GAB2: variants seen among roughly 807,000 people sequenced by gnomAD.
The protein encoded by GAB2 is GRB2 associated binding protein 2.
A neutral mutation model predicts 65.5 loss-of-function variants in GAB2; 26 were observed. The observed-to-expected ratio is 0.40, with a 90% CI of 0.29 to 0.55. The LOEUF is 0.55. GAB2 is among the 20% of genes least tolerant of loss of function. GAB2 has a pLI of 0.53. For synonymous variants in GAB2, 321 were observed against 329.6 expected (o/e 0.97, Z 0.28); for missense variants, 884 against 875.8 (o/e 1.01, Z -0.12).
At chr11:78,234,023 A>T (rs561862615) in intron 3 of GAB2, among the ~76,000 whole-genome samples, 1 of 152,310 alleles carries the variant, frequency 6.6e-6, no homozygotes, top group African/African-American at 2.4e-5. Context: ...TTTCTGTCCT[A>T]TATAAAAATC....
chr11:78,254,402 T>A (rs772240125), intron 2 of GAB2, among the ~76,000 whole-genome samples: 1 of 152,208 alleles, frequency 6.6e-6, no homozygotes, highest in African/African-American at 2.4e-5. Context: ...GTTAAGAAGA[T>A]GAAGTAGGGA....
chr11:78,381,567 TA>T (rs1311446077), intron 1 of GAB2, among the ~76,000 whole-genome samples: 1 of 152,058 alleles, frequency 6.6e-6, no homozygotes, highest in Non-Finnish European at 1.5e-5. Context: ...GCTAGACTGG[TA>T]AAAAAGGTTC....
intron 7 of GAB2, 130 bp downstream of exon 7, chr11:78,221,975 G>C (rs945767526): frequency 2.3e-5 from 17 of 725,732 alleles, no homozygotes; most frequent in African/African-American, 8.7e-5. Context: ...ACAAGACATC[G>C]AGACATGATC....
At chr11:78,372,142 GC>G (rs1428796579) in intron 1 of GAB2, among the ~76,000 whole-genome samples, 1 of 152,078 alleles carries the variant, frequency 6.6e-6, no homozygotes, top group African/African-American at 2.4e-5. Context: ...TTAATTCTAT[GC>G]ATTTTTACTG....
intron 1 of GAB2, among the ~76,000 whole-genome samples, chr11:78,332,047 A>G (rs975727123): frequency 6.6e-6 from 1 of 152,180 alleles, no homozygotes; most frequent in Admixed American, 6.5e-5. Flanking sequence ...AAAAGACAAG[A>G]AAGGCAGCTT....
intron 3 of GAB2, among the ~76,000 whole-genome samples, chr11:78,236,286 T>C (rs1049436011): frequency 6.6e-6 from 1 of 152,224 alleles, no homozygotes; most frequent in African/African-American, 2.4e-5. Context: ...AAAACCTTTT[T>C]ATCTTGTGAC....
intron 2 of GAB2, among the ~76,000 whole-genome samples, chr11:78,262,798 G>C (rs191631798): frequency 1.3e-5 from 2 of 152,054 alleles, no homozygotes; most frequent in African/African-American, 2.4e-5. Context: ...GTACTGAGTG[G>C]GCCTGCATAC....
intron 1 of GAB2, among the ~76,000 whole-genome samples, chr11:78,336,688 C>T (rs1856009456): frequency 6.6e-6 from 1 of 151,996 alleles, no homozygotes; most frequent in Admixed American, 6.6e-5. Flanking sequence ...TTATTTTAGA[C>T]CCTGGAAATA....
chr11:78,271,483 T>C (rs1254034666), intron 2 of GAB2, among the ~76,000 whole-genome samples: 1 of 152,242 alleles, frequency 6.6e-6, no homozygotes, highest in African/African-American at 2.4e-5. Context: ...CTTATGTTGA[T>C]TTCAAACTCA....
intron 1 of GAB2, among the ~76,000 whole-genome samples, chr11:78,283,946 C>A (rs1866403925): frequency 6.6e-6 from 1 of 151,886 alleles, no homozygotes; most frequent in African/African-American, 2.4e-5. Context: ...CTTTAAAAAA[C>A]CATCGAATTG....
Position 78,226,620 on chromosome 11 carries a change from G to GGGGGGGGGGGGGGCCC in GAB2, c.1051_1052insGGGCCCCCCCCCCCCC (p.Pro351ArgfsTer32). 1.3e-6 allele frequency: 2 copies of GGGGGGGGGGGGGGCCC among 1,500,530 alleles called. No homozygotes were observed. Among genetic ancestry groups the GGGGGGGGGGGGGGCCC allele is most frequent in the Non-Finnish European group, 1.9e-6 (2 of 1,078,992 alleles). The allele number at this position is 1,500,530 out of a possible 1,614,324, so 93.0% of individuals were successfully genotyped here. Reference sequence around the variant, plus strand: ...ACTTGGCTTGGGGGGGCGGGGTGGGGGAGCTATGGCTGAGTCCCCAGGAGT... The same window carrying GGGGGGGGGGGGGGCCC: ...ACTTGGCTTGGGGGGGCGGGGTGGGGGGGGGGGGGGGGGCCCGAGCTATGGCTGAGTCCCCAGGAGT... On this transcript the variant is annotated frameshift_variant, in exon 4 of 10. Transcript: ENST00000361507. LOFTEE classifies it high-confidence loss of function.
chr11:78,219,545 C>T (rs1206305259), intron 9 of GAB2, 130 bp from the exon 10 acceptor site: 7 of 786,414 alleles, frequency 8.9e-6, no homozygotes, highest in East Asian at 2.5e-5. Flanking sequence ...TGCCACTGAC[C>T]AGCCTCAGGA....
chr11:78,407,722 A>AAG (rs1857071611), intron 1 of GAB2, among the ~76,000 whole-genome samples: 7 of 144,114 alleles, frequency 4.9e-5, no homozygotes, highest in African/African-American at 7.9e-5. Context: ...TTCCGTCCCA[A>AAG]AAAGAAAGAA....
chr11:78,257,496 T>C (rs758877312), intron 2 of GAB2, among the ~76,000 whole-genome samples: 1 of 152,232 alleles, frequency 6.6e-6, no homozygotes, highest in Non-Finnish European at 1.5e-5. Context: ...CTAAGTACTT[T>C]GTAGGACTGC....
Position 78,226,983 on chromosome 11 carries a change from A to C in GAB2, c.689T>G (p.Leu230Arg). The C allele has an allele frequency of 4.3e-6, 7 of 1,613,880 alleles. No homozygotes were observed. Among genetic ancestry groups the C allele is most frequent in the Non-Finnish European group, 5.9e-6 (7 of 1,179,906 alleles). ...LMRSDTAVQK[L>R]AQGNGHCVNG... is the part of the protein sequence containing the mutation. ...GACACAGTGTCCATTGCCCTGGGCA[A>C]GTTTTTGTACAGCTGTGTCACTCCT... is the stretch of plus-strand genomic sequence containing the variant. The change falls in exon 4 of 10, where the codon CTT (leucine) becomes CGT (arginine). Residue 230 changes from leucine (L) to arginine (R), a missense_variant. By Grantham distance (102) the Leu-to-Arg change is moderately radical (BLOSUM62 -2). Transcript: ENST00000361507.
intron 1 of GAB2, among the ~76,000 whole-genome samples, chr11:78,383,298 A>C (rs1399135684): frequency 6.6e-6 from 1 of 152,072 alleles, no homozygotes; most frequent in East Asian, 1.9e-4. Context: ...GAAATGAAAT[A>C]ATCTTCCAGA....
At chr11:78,349,544 C>T (rs1395396284) in intron 1 of GAB2, among the ~76,000 whole-genome samples, 1 of 152,152 alleles carries the variant, frequency 6.6e-6, no homozygotes, top group East Asian at 1.9e-4. Context: ...AACTTACCTT[C>T]GAATGCTATT....
intron 1 of GAB2, among the ~76,000 whole-genome samples, chr11:78,393,173 G>A (rs1353921547): frequency 6.6e-6 from 1 of 152,164 alleles, no homozygotes; most frequent in Non-Finnish European, 1.5e-5. Flanking sequence ...AGGCTGCCTG[G>A]GGGAAATCTA....
At chr11:78,417,237 C>A (rs1325347670) in intron 1 of GAB2, among the ~76,000 whole-genome samples, 3 of 152,078 alleles carry the variant, frequency 2.0e-5, no homozygotes, top group Non-Finnish European at 4.4e-5. Context: ...GGCCCCACAG[C>A]CTACGCCCCC....
Sources: allele counts gnomAD v4.1 joint callset (sites outside exome capture counted in the v4.1 genomes callset), GRCh38; gene constraint gnomAD v4.1.1; transcripts MANE v1.5; gene names NCBI Gene and HGNC (gene_info 2026-07-23, HGNC 2026-07-21).